The following GNB1 variants were observed in gnomAD, a reference collection of about 807,000 sequenced individuals.
GNB1 encodes the protein guanine nucleotide-binding protein G(I)/G(S)/G(T) subunit beta-1.
A neutral mutation model predicts 42.9 loss-of-function variants in GNB1; 2 were observed. The observed-to-expected ratio is 0.05, with a 90% CI of 0.02 to 0.15. GNB1 has a LOEUF of 0.15. GNB1 is among the 10% of genes least tolerant of loss of function. The probability of loss-of-function intolerance (pLI) is 1.00; values close to 1 mark genes in which losing one functional copy is unlikely to be tolerated. For missense variants in GNB1, 193 were observed against 462.2 expected (o/e 0.42, Z 5.34); for synonymous variants, 183 against 174.7 (o/e 1.05, Z -0.38).
intron 1 of GNB1, among the ~76,000 whole-genome samples, chr1:1,845,996 A>T (rs1647640938): frequency 8.1e-6 from 1 of 124,122 alleles, no homozygotes; most frequent in Non-Finnish European, 2.0e-5. Flanking sequence ...TCCTCTGAGA[A>T]ATCACTCCCT....
At chr1:1,886,980 T>C (rs1404070564) in intron 1 of GNB1, among the ~76,000 whole-genome samples, 1 of 152,254 alleles carries the variant, frequency 6.6e-6, no homozygotes, top group Admixed American at 6.5e-5. Context: ...CCCAAAGTGC[T>C]GGGATTACAG....
At chr1:1,807,490 A>AAAAAAAAAC (rs1646717062) in intron 5 of GNB1, among the ~76,000 whole-genome samples, 3 of 146,228 alleles carry the variant, frequency 2.1e-5, no homozygotes, top group African/African-American at 7.6e-5. Context: ...AAAAAAAAAA[A>AAAAAAAAAC]AAACAAACAG....
At chr1:1,809,641 C>T (rs140221662) in intron 5 of GNB1, among the ~76,000 whole-genome samples, 10 of 152,258 alleles carry the variant, frequency 6.6e-5, no homozygotes, top group African/African-American at 2.2e-4. Context: ...GGAGGATCAC[C>T]TTTACAGAGG....
At chr1:1,864,687 G>A (rs907770801) in intron 1 of GNB1, among the ~76,000 whole-genome samples, 2 of 152,040 alleles carry the variant, frequency 1.3e-5, no homozygotes, top group Non-Finnish European at 2.9e-5. Flanking sequence ...CCCAGTATAC[G>A]AAAGACTTTT....
chr1:1,785,815 T>A lies in GNB1; in HGVS notation c.*1248A>T, dbSNP rs541470384. On this transcript the variant is annotated 3_prime_UTR_variant, in exon 12 of 12. Coordinates refer to ENST00000378609, the MANE Select transcript of GNB1 (RefSeq NM_002074.5). Reference sequence around the variant, plus strand: ...GTTTGCAACAGAACTTTTTTTTTTTTAAAGAAATAAAGAAAACAGTGACTT... The same window carrying A: ...GTTTGCAACAGAACTTTTTTTTTTTAAAAGAAATAAAGAAAACAGTGACTT... The A allele has an allele frequency of 3.5e-4, 132 of 378,826 alleles. No homozygotes were observed. The highest frequency in any genetic ancestry group is 2.1e-3 in the African/African-American group (99 of 47,904). 23.5% of individuals were successfully genotyped at this position (378,826 alleles called of 1,614,324 possible). A position where few individuals can be genotyped will look rare whatever the true frequency, so the allele number is the denominator to read the frequency against.
At chr1:1,864,427 C>G (rs1407618843) in intron 1 of GNB1, among the ~76,000 whole-genome samples, 1 of 151,464 alleles carries the variant, frequency 6.6e-6, no homozygotes, top group Non-Finnish European at 1.5e-5. Flanking sequence ...TAGCATAGGG[C>G]CTAGTACACA....
At chr1:1,832,828 A>G (rs948771656) in intron 2 of GNB1, among the ~76,000 whole-genome samples, 1 of 152,190 alleles carries the variant, frequency 6.6e-6, no homozygotes, top group Admixed American at 6.5e-5. Context: ...TGCAACATAC[A>G]AAGAATAATG....
At chr1:1,885,939 G>A (rs1379365974) in intron 1 of GNB1, among the ~76,000 whole-genome samples, 1 of 151,342 alleles carries the variant, frequency 6.6e-6, no homozygotes, top group African/African-American at 2.4e-5. Flanking sequence ...TGAAAGCCAG[G>A]AGTAATTTCC....
chr1:1,877,310 A>ATATAT (rs1418883187), intron 1 of GNB1, among the ~76,000 whole-genome samples: 6 of 143,002 alleles, frequency 4.2e-5, no homozygotes, highest in African/African-American at 1.5e-4. Flanking sequence ...AAAAAAAAAA[A>ATATAT]AAAAAAATAT....
chr1:1,885,685 T>C (rs1315488167), intron 1 of GNB1, among the ~76,000 whole-genome samples: 4 of 149,254 alleles, frequency 2.7e-5, no homozygotes, highest in Non-Finnish European at 4.4e-5. Context: ...GCCTCCCAAG[T>C]AGCTGGGACT....
At chr1:1,873,270 T>C (rs1053622059) in intron 1 of GNB1, among the ~76,000 whole-genome samples, 2 of 152,222 alleles carry the variant, frequency 1.3e-5, no homozygotes, top group Non-Finnish European at 2.9e-5. Flanking sequence ...TCTAAACATG[T>C]CCTCAAGTAG....
chr1:1,855,287 A>G (rs987870001), intron 1 of GNB1, among the ~76,000 whole-genome samples: 1 of 148,436 alleles, frequency 6.7e-6, no homozygotes, highest in Non-Finnish European at 1.5e-5. Context: ...CCCCCACTGC[A>G]CTCCAGCCTG....
At chr1:1,845,215 C>T (rs920962577) in intron 1 of GNB1, among the ~76,000 whole-genome samples, 1 of 152,238 alleles carries the variant, frequency 6.6e-6, no homozygotes, top group African/African-American at 2.4e-5. Context: ...ACTGTACAAA[C>T]GTGGGGGTAC....
chr1:1,834,099 A>T (rs1647113113), intron 2 of GNB1, among the ~76,000 whole-genome samples: 1 of 152,144 alleles, frequency 6.6e-6, no homozygotes, highest in Non-Finnish European at 1.5e-5. Flanking sequence ...ACTCCCCAGA[A>T]TCATCTCCTT....
chr1:1,834,739 G>T (rs191060928), intron 2 of GNB1, among the ~76,000 whole-genome samples: 1 of 150,864 alleles, frequency 6.6e-6, no homozygotes, highest in East Asian at 2.0e-4. Context: ...TGCGATCTCG[G>T]CTCAGTGCAA....
intron 2 of GNB1, among the ~76,000 whole-genome samples, chr1:1,835,712 C>T (rs915492307): frequency 1.3e-5 from 2 of 152,054 alleles, no homozygotes; most frequent in African/African-American, 4.8e-5. Flanking sequence ...TCTGCTTTCA[C>T]TTCTCTTGGG....
intron 5 of GNB1, among the ~76,000 whole-genome samples, chr1:1,810,098 A>G (rs1244213571): frequency 6.6e-6 from 1 of 152,018 alleles, no homozygotes; most frequent in East Asian, 1.9e-4. Flanking sequence ...ATTTTTTGAG[A>G]TGGAGTCTCG....
intron 1 of GNB1, among the ~76,000 whole-genome samples, chr1:1,861,460 T>A (rs1008234602): frequency 6.6e-5 from 10 of 151,076 alleles, no homozygotes; most frequent in Non-Finnish European, 8.9e-5. Flanking sequence ...GTCTCAAAAA[T>A]AATAATAATA....
chr1:1,834,866 C>T (rs1314795818), intron 2 of GNB1, among the ~76,000 whole-genome samples: 1 of 151,980 alleles, frequency 6.6e-6, no homozygotes, highest in Admixed American at 6.6e-5. Context: ...GACGGGGTTT[C>T]ACCGTGTTAG....
Sources: gnomAD v4.1 joint callset for allele counts (sites outside exome capture counted in the v4.1 genomes callset) on GRCh38, gnomAD v4.1.1 for gene constraint, MANE v1.5 for transcripts, NCBI Gene and HGNC (gene_info 2026-07-23, HGNC 2026-07-21) for gene names.